NEMP2: variants seen among roughly 807,000 people sequenced by gnomAD.
NEMP2 encodes nuclear envelope integral membrane protein 2, also known as UPF0571 transmembrane protein.
A neutral mutation model predicts 54.2 loss-of-function variants in NEMP2; 53 were observed. The observed-to-expected ratio is 0.98, with a 90% CI of 0.78 to 1.23. The LOEUF (loss-of-function observed/expected upper bound fraction) is 1.23. Among genes scored for constraint, NEMP2 ranks in the 50% most tolerant of loss-of-function variants. NEMP2 has a pLI of 0.00. For missense variants in NEMP2, 455 were observed against 511.3 expected, an observed-to-expected ratio of 0.89 and a Z score of 1.06; for synonymous variants, 197 against 190.3, an observed-to-expected ratio of 1.04 and a Z score of -0.29.
chr2:190,613,718 G>C, the NEMP2 span, among the ~76,000 whole-genome samples: 1 of 152,078 alleles, frequency 6.6e-6, no homozygotes, highest in African/African-American at 2.4e-5. Context: ...CTCCCAAGTA[G>C]CTGGGATTAC....
chr2:190,444,984 G>T, the NEMP2 span: 1 of 396,810 alleles, frequency 2.5e-6, no homozygotes, highest in Non-Finnish European at 3.4e-6. Flanking sequence ...TGTAGTCCAG[G>T]CCTCTTATTT....
At chr2:190,624,317 T>A in the NEMP2 span, among the ~76,000 whole-genome samples, 1 of 152,262 alleles carries the variant, frequency 6.6e-6, no homozygotes, top group South Asian at 2.1e-4. Context: ...GGTGAGGATG[T>A]GGAGAAAGGG....
chr2:190,538,698 T>C (rs1488664290), upstream of NEMP2, among the ~76,000 whole-genome samples: 1 of 152,196 alleles, frequency 6.6e-6, no homozygotes, highest in Non-Finnish European at 1.5e-5. This position sits in a 1 kb window ranked among gnomAD's most constrained non-coding sequence, Gnocchi z 4.1. Context: ...ATTTGTACTT[T>C]CCTGATTATT....
chr2:190,639,470 G>C, the NEMP2 span, among the ~76,000 whole-genome samples: 4 of 93,772 alleles, frequency 4.3e-5, no homozygotes, highest in Admixed American at 9.7e-5. Flanking sequence ...TTTTTAGCTC[G>C]CAGTTTTTGT....
At chr2:190,648,146 T>C in the NEMP2 span, 2 of 152,178 alleles carry the variant, frequency 1.3e-5, no homozygotes, top group Non-Finnish European at 2.9e-5. Context: ...TTCTACACCA[T>C]GGACACAAAA....
At chr2:190,433,934 T>TG in the NEMP2 span, among the ~76,000 whole-genome samples, 1 of 152,182 alleles carries the variant, frequency 6.6e-6, no homozygotes, top group Non-Finnish European at 1.5e-5. This position sits in a 1 kb window ranked among gnomAD's most constrained non-coding sequence, Gnocchi z 4.5. Context: ...TTCACGCCTG[T>TG]AATCCCAGCA....
At chr2:190,638,578 C>G in the NEMP2 span, among the ~76,000 whole-genome samples, 1 of 152,160 alleles carries the variant, frequency 6.6e-6, no homozygotes, top group Admixed American at 6.5e-5. This position sits in a 1 kb window ranked among gnomAD's most constrained non-coding sequence, Gnocchi z 5.7. Flanking sequence ...TTGAAATCTA[C>G]TGATGCCGGA....
chr2:190,432,212 T>A, the NEMP2 span, among the ~76,000 whole-genome samples: 1 of 152,184 alleles, frequency 6.6e-6, no homozygotes, highest in Non-Finnish European at 1.5e-5. Flanking sequence ...CTAACCAGAT[T>A]TTCTAGAGAA....
chr2:190,486,750 C>T, the NEMP2 span, among the ~76,000 whole-genome samples: 83 of 152,140 alleles, frequency 5.5e-4, 1 homozygote, highest in Admixed American at 2.8e-3. Flanking sequence ...TTCCAAAATA[C>T]GAGTTAAGAG....
the NEMP2 span, among the ~76,000 whole-genome samples, chr2:190,441,427 C>A: frequency 6.6e-6 from 1 of 151,436 alleles, no homozygotes; most frequent in Non-Finnish European, 1.5e-5. Flanking sequence ...AGGTTGAGAA[C>A]CACCAGGCTA....
At position 190,514,421 on chromosome 2, in the gene NEMP2, C is replaced by T. The variant is rs780929553; in HGVS notation, c.953+32G>A. On this transcript the variant is annotated intron_variant, in intron 7 of 8. Coordinates refer to ENST00000409150, the MANE Select transcript of NEMP2 (RefSeq NM_001142645.2). The surrounding 1 kb of genome is among the most constrained non-coding windows in gnomAD (Gnocchi z 5.7). ...ATAATAAAACTAGAGCTCAAAATGT[C>T]AAATTTGCTGGGGGAAAAAAATGAT... 12 of 1,529,876 alleles carry T rather than the reference C, an allele frequency of 7.8e-6. No homozygotes were observed. Among genetic ancestry groups the T allele is most frequent in the East Asian group, 2.5e-5 (1 of 40,772 alleles). The allele number at this position is 1,529,876 out of a possible 1,614,324, so 94.8% of individuals were successfully genotyped here. A position where few individuals can be genotyped will look rare whatever the true frequency, so the allele number is the denominator to read the frequency against.
chr2:190,604,220 A>G, the NEMP2 span, among the ~76,000 whole-genome samples: 1 of 152,198 alleles, frequency 6.6e-6, no homozygotes, highest in Admixed American at 6.5e-5. The surrounding 1 kb of genome is among the most constrained non-coding windows in gnomAD (Gnocchi z 4.5). Flanking sequence ...GGTTACCCTG[A>G]AAACCAACCC....
the NEMP2 span, among the ~76,000 whole-genome samples, chr2:190,575,788 G>A: frequency 2.0e-5 from 3 of 152,078 alleles, no homozygotes; most frequent in Middle Eastern, 6.8e-3. Context: ...CCAGGGAGGC[G>A]GAGGTTGCAG....
At chr2:190,511,553 ATTTTTT>A (rs72470733) in intron 7 of NEMP2, among the ~76,000 whole-genome samples, 2 of 133,684 alleles carry the variant, frequency 1.5e-5, no homozygotes, top group Non-Finnish European at 1.6e-5. Context: ...ATTAAATTTA[ATTTTTT>A]TTTTTTTTTT....
chr2:190,557,347 C>T, the NEMP2 span, among the ~76,000 whole-genome samples: 5 of 152,082 alleles, frequency 3.3e-5, no homozygotes, highest in East Asian at 1.9e-4. Context: ...AAGACTTAAA[C>T]GTAAGACCTA....
At chr2:190,448,216 AC>A in the NEMP2 span, among the ~76,000 whole-genome samples, 1 of 152,206 alleles carries the variant, frequency 6.6e-6, no homozygotes, top group Non-Finnish European at 1.5e-5. Context: ...AAATTCCATT[AC>A]CTAGACAACC....
At chr2:190,604,154 T>A in the NEMP2 span, among the ~76,000 whole-genome samples, 1 of 152,178 alleles carries the variant, frequency 6.6e-6, no homozygotes, top group African/African-American at 2.4e-5. The surrounding 1 kb of genome is among the most constrained non-coding windows in gnomAD (Gnocchi z 4.5). Flanking sequence ...GCCTCCTTCC[T>A]TCTCTCCCCC....
chr2:190,547,089 C>T, the NEMP2 span, among the ~76,000 whole-genome samples: 3 of 152,242 alleles, frequency 2.0e-5, no homozygotes, highest in African/African-American at 4.8e-5. This position sits in a 1 kb window ranked among gnomAD's most constrained non-coding sequence, Gnocchi z 6.2. Flanking sequence ...CTCTCATCTT[C>T]ACCTTCTCGT....
At chr2:190,557,097 A>C in the NEMP2 span, among the ~76,000 whole-genome samples, 2 of 152,222 alleles carry the variant, frequency 1.3e-5, no homozygotes, top group Admixed American at 1.3e-4. Flanking sequence ...TATAGCAATA[A>C]AAACAGCATG....
Sources: gnomAD v4.1 joint callset for allele counts (sites outside exome capture counted in the v4.1 genomes callset) on GRCh38, gnomAD v4.1.1 for gene constraint, Gnocchi (gnomAD v3.1) non-coding constraint, MANE v1.5 for transcripts, NCBI Gene and HGNC (gene_info 2026-07-23, HGNC 2026-07-21) for gene names.